Variants in GRM7 observed in about 807,000 individuals in gnomAD.
GRM7 encodes glutamate metabotropic receptor 7.
GRM7 carries 35 observed loss-of-function variants against 84.5 expected under a neutral mutation model. That is an observed-to-expected ratio of 0.41 (90% CI 0.32 to 0.55). GRM7 has a LOEUF of 0.55. Among genes scored for constraint, GRM7 ranks in the 20% least tolerant of loss-of-function variants. The pLI is 0.19. For missense variants in GRM7, 1,003 were observed against 1,194.6 expected, an observed-to-expected ratio of 0.84 and a Z score of 2.36; for synonymous variants, 487 against 455.1, an observed-to-expected ratio of 1.07 and a Z score of -0.89.
rs1220969149 is a variant in GRM7, at chr3:6,862,730, G to GC, written c.519+829dup. On this transcript the variant is annotated intron_variant, in intron 1 of 9. Transcript: ENST00000357716. This position sits in a 1 kb window ranked among gnomAD's most constrained non-coding sequence, Gnocchi z 5.2. ...CCCTGCCTCCTCCCTCCTCCCCCCC[G>GC]CCCCCCTCACCCACTATCTCCCTGA... is the stretch of plus-strand genomic sequence containing the variant. The GC allele has an allele frequency of 6.6e-5, 15 of 228,412 alleles. No homozygotes were observed. Among genetic ancestry groups the GC allele is most frequent in the Non-Finnish European group, 1.1e-4 (13 of 117,026 alleles). 14.1% of individuals were successfully genotyped at this position (228,412 alleles called of 1,614,324 possible).
chr3:7,466,792 G>C (rs1334252578), intron 7 of GRM7, among the ~76,000 whole-genome samples: 2 of 152,038 alleles, frequency 1.3e-5, no homozygotes, highest in African/African-American at 4.8e-5. Flanking sequence ...CATTGGTTAC[G>C]ATAGACCAAC....
intron 1 of GRM7, among the ~76,000 whole-genome samples, chr3:6,991,313 T>C (rs592723): frequency 0.15 from 22,829 of 152,200 alleles, 2,974 homozygotes; most frequent in African/African-American, 0.33. Flanking sequence ...TTGGGGGAAC[T>C]TCTTTCTCCA....
chr3:7,401,333 T>A (rs2125158164), intron 4 of GRM7, among the ~76,000 whole-genome samples: 1 of 152,218 alleles, frequency 6.6e-6, no homozygotes, highest in African/African-American at 2.4e-5. Context: ...GAGCAGAAAG[T>A]TGTCAGTAGG....
intron 1 of GRM7, among the ~76,000 whole-genome samples, chr3:6,980,635 CG>C (rs1353311021): frequency 2.6e-5 from 4 of 152,088 alleles, no homozygotes; most frequent in Non-Finnish European, 4.4e-5. Flanking sequence ...CTTTGAATGC[CG>C]TAAGTGGTAA....
At chr3:7,039,184 C>A (rs1002061496) in intron 1 of GRM7, among the ~76,000 whole-genome samples, 1 of 152,148 alleles carries the variant, frequency 6.6e-6, no homozygotes, top group Non-Finnish European at 1.5e-5. Flanking sequence ...CTTGCTGTTT[C>A]TTACAAGCCT....
At chr3:7,391,732 T>G (rs570128874) in intron 4 of GRM7, among the ~76,000 whole-genome samples, 3 of 147,510 alleles carry the variant, frequency 2.0e-5, no homozygotes, top group Non-Finnish European at 4.5e-5. Flanking sequence ...AAAAAAGAAA[T>G]GAGCTAAGAA....
chr3:7,041,521 C>T (rs1032995621), intron 1 of GRM7, among the ~76,000 whole-genome samples: 2 of 152,152 alleles, frequency 1.3e-5, no homozygotes, highest in Non-Finnish European at 2.9e-5. Flanking sequence ...TTTATTCTTT[C>T]AGCGCTTGCT....
intron 1 of GRM7, among the ~76,000 whole-genome samples, chr3:7,093,446 G>A (rs1017813401): frequency 1.3e-4 from 20 of 151,674 alleles, no homozygotes; most frequent in African/African-American, 4.8e-4. Context: ...TTGGGAGGCC[G>A]AAGCGGGTGG....
chr3:7,683,036 T>C (rs988711342), intron 9 of GRM7, among the ~76,000 whole-genome samples: 2 of 152,242 alleles, frequency 1.3e-5, no homozygotes, highest in African/African-American at 4.8e-5. Context: ...CCCACGCTTG[T>C]TCCTCTTTGC....
At chr3:7,433,746 C>G (rs767475001) in intron 5 of GRM7, among the ~76,000 whole-genome samples, 3 of 152,104 alleles carry the variant, frequency 2.0e-5, no homozygotes, top group African/African-American at 4.8e-5. Context: ...AATATATTCC[C>G]TAAGGAATGT....
intron 8 of GRM7, among the ~76,000 whole-genome samples, chr3:7,592,882 G>A (rs1695861067): frequency 6.6e-6 from 1 of 152,002 alleles, no homozygotes; most frequent in Non-Finnish European, 1.5e-5. Flanking sequence ...AGTTTGTGTT[G>A]GAAAACATGG....
chr3:7,628,554 C>T (rs1697724929), intron 8 of GRM7, among the ~76,000 whole-genome samples: 1 of 152,162 alleles, frequency 6.6e-6, no homozygotes. Flanking sequence ...AACATCATCA[C>T]TTATCTTTGT....
intron 2 of GRM7, among the ~76,000 whole-genome samples, chr3:7,238,734 CT>C (rs913116782): frequency 1.3e-4 from 20 of 148,552 alleles, no homozygotes; most frequent in Admixed American, 4.0e-4. Flanking sequence ...CTATTCTTTT[CT>C]TTTTTTTCTT....
intron 4 of GRM7, among the ~76,000 whole-genome samples, chr3:7,325,571 C>G (rs28368666): frequency 0.41 from 62,362 of 151,916 alleles, 12,860 homozygotes; most frequent in Middle Eastern, 0.49. Context: ...ATTTAGCAGC[C>G]AACACACTCA....
At chr3:7,258,744 C>A (rs1698300763) in intron 2 of GRM7, among the ~76,000 whole-genome samples, 1 of 152,180 alleles carries the variant, frequency 6.6e-6, no homozygotes, top group South Asian at 2.1e-4. Context: ...CACAATCCAT[C>A]ATCTCCTTCT....
At chr3:7,506,936 G>T in intron 7 of GRM7, among the ~76,000 whole-genome samples, 1 of 152,066 alleles carries the variant, frequency 6.6e-6, no homozygotes, top group East Asian at 1.9e-4. Flanking sequence ...CATATTTAAA[G>T]AAACATACCA....
chr3:7,518,150 C>T (rs1422232724), intron 7 of GRM7, among the ~76,000 whole-genome samples: 1 of 152,148 alleles, frequency 6.6e-6, no homozygotes, highest in Non-Finnish European at 1.5e-5. Context: ...CTTTAGTTCC[C>T]AAAAGAGCAC....
intron 8 of GRM7, among the ~76,000 whole-genome samples, chr3:7,632,010 G>C (rs1697879321): frequency 1.3e-5 from 2 of 152,142 alleles, no homozygotes; most frequent in African/African-American, 4.8e-5. Flanking sequence ...GGAGGCCTAA[G>C]GGAAGACAAC....
intron 7 of GRM7, among the ~76,000 whole-genome samples, chr3:7,536,614 A>G (rs1262109026): frequency 6.6e-6 from 1 of 152,230 alleles, no homozygotes; most frequent in Non-Finnish European, 1.5e-5. Flanking sequence ...GACAGACAGC[A>G]TGACTTCTAC....
Sources: allele counts gnomAD v4.1 joint callset (sites outside exome capture counted in the v4.1 genomes callset), GRCh38; gene constraint gnomAD v4.1.1; non-coding constraint Gnocchi (gnomAD v3.1); transcripts MANE v1.5; gene names NCBI Gene and HGNC (gene_info 2026-07-23, HGNC 2026-07-21).